DENND1A: variants seen among roughly 807,000 people sequenced by gnomAD.
The protein encoded by DENND1A is DENN domain-containing protein 1A.
Under a neutral mutation model 113.7 loss-of-function variants are expected in DENND1A, and 51 were observed. The ratio of observed to expected loss-of-function variants is 0.45; its 90% confidence interval spans 0.36 to 0.57. The LOEUF (loss-of-function observed/expected upper bound fraction) is 0.57, where lower values mean the gene tolerates loss of function less well. Ranked by LOEUF, DENND1A falls within the 20% of genes least tolerant of loss-of-function variation. The pLI, the probability that DENND1A is intolerant of heterozygous loss-of-function variation, is 0.00. For synonymous variants in DENND1A, 565 were observed against 570.8 expected, an observed-to-expected ratio of 0.99 and a Z score of 0.14; for missense variants, 1,258 against 1,395.9, an observed-to-expected ratio of 0.90 and a Z score of 1.57.
chr9:123,508,386 A>C (rs1324637238), intron 13 of DENND1A, among the ~76,000 whole-genome samples: 1 of 152,204 alleles, frequency 6.6e-6, no homozygotes, highest in East Asian at 1.9e-4. Context: ...TTCTAAGACG[A>C]CACCCATGAA....
At chr9:123,488,080 G>C (rs1009423814) in intron 13 of DENND1A, among the ~76,000 whole-genome samples, 1 of 152,230 alleles carries the variant, frequency 6.6e-6, no homozygotes. Context: ...TCTGCCACTA[G>C]ATGGGATCTC....
intron 13 of DENND1A, among the ~76,000 whole-genome samples, chr9:123,468,615 T>C (rs1221282886): frequency 6.6e-6 from 1 of 152,236 alleles, no homozygotes; most frequent in African/African-American, 2.4e-5. Context: ...AACGCTGTGC[T>C]GGTCTGACGG....
intron 13 of DENND1A, among the ~76,000 whole-genome samples, chr9:123,485,848 G>A (rs970746555): frequency 2.0e-5 from 3 of 150,182 alleles, no homozygotes; most frequent in African/African-American, 2.5e-5. Flanking sequence ...CTCCACATGC[G>A]GAGGCTAAAC....
chr9:123,497,813 C>CAAA lies in DENND1A; in HGVS notation c.994-39919_994-39917dup, dbSNP rs755257150. On this transcript the variant is annotated intron_variant, in intron 13 of 23. Transcript: ENST00000394215. ...TCCACAGTCCAATCTCTCTTCCATC[C>CAAA]AAAAAAAAAAAAAAAAAAGAAAAAA... 5.3e-3 allele frequency among the ~76,000 whole-genome samples: 539 copies of CAAA among 101,736 alleles called. 5 individuals carry two copies. The highest frequency in any genetic ancestry group is 0.014 in the African/African-American group (383 of 26,828). 66.7% of individuals were successfully genotyped at this position (101,736 alleles called of 152,430 possible).
At chr9:123,742,810 T>C (rs2069136835) in intron 5 of DENND1A, among the ~76,000 whole-genome samples, 1 of 152,206 alleles carries the variant, frequency 6.6e-6, no homozygotes, top group Admixed American at 6.5e-5. Flanking sequence ...ACAGGTCAAC[T>C]AGGTGAGTAG....
chr9:123,880,871 AT>A (rs560794407), intron 1 of DENND1A, among the ~76,000 whole-genome samples: 49 of 152,260 alleles, frequency 3.2e-4, no homozygotes, highest in Admixed American at 1.6e-3. Context: ...AAGAGCCGGC[AT>A]TTTTTCCTAG....
chr9:123,924,527 T>G (rs887496300), intron 1 of DENND1A, among the ~76,000 whole-genome samples: 1 of 151,936 alleles, frequency 6.6e-6, no homozygotes, highest in Non-Finnish European at 1.5e-5. Flanking sequence ...GGCGGGCACC[T>G]GCAGTCCCAG....
At chr9:123,577,065 TTC>T (rs2058674266) in intron 12 of DENND1A, among the ~76,000 whole-genome samples, 2 of 152,208 alleles carry the variant, frequency 1.3e-5, no homozygotes, top group African/African-American at 2.4e-5. Flanking sequence ...AAAATATTTT[TTC>T]TGTCTTTCCT....
chr9:123,720,327 A>C (rs2067249944), intron 5 of DENND1A, among the ~76,000 whole-genome samples: 1 of 152,182 alleles, frequency 6.6e-6, no homozygotes. Context: ...CTCCGAGGGA[A>C]AATGCTCTTA....
At chr9:123,914,413 C>T (rs534861778) in intron 1 of DENND1A, among the ~76,000 whole-genome samples, 14 of 151,408 alleles carry the variant, frequency 9.2e-5, no homozygotes, top group Non-Finnish European at 1.6e-4. Flanking sequence ...TGGTGGCGAG[C>T]GCCTGTATGT....
Position 123,398,958 on chromosome 9 carries a change from C to T in DENND1A, c.1631+4444G>A, listed in dbSNP as rs190590275. Among the ~76,000 whole-genome samples, 4 of 151,372 alleles carry T rather than the reference C, an allele frequency of 2.6e-5. No individual in the cohort carries two copies. The East Asian group carries it at 7.9e-4, about 30-fold the overall frequency. ...TACAAGCATGTATCACCACACCCAG[C>T]TAATTTTTTGTGTTTTTAGTAGAGA... On this transcript the variant is annotated intron_variant, in intron 21 of 23. Transcript: ENST00000394215.
chr9:123,750,118 C>A lies in DENND1A; in HGVS notation c.302+7585G>T, dbSNP rs1387872249. On this transcript the variant is annotated intron_variant, in intron 5 of 23. Coordinates refer to ENST00000394215, the MANE Select transcript of DENND1A (RefSeq NM_001352964.2). ...CCCCATGGCCACTGCAGAAGACACA[C>A]CTGTCCTTCCAACTGCGCAGCTTCC... Among the ~76,000 whole-genome samples the A allele has an allele frequency of 2.0e-5, 3 of 152,174 alleles. No homozygotes were observed. In the East Asian group the frequency reaches 5.8e-4, roughly 29 times the overall value.
At chr9:123,499,471 C>T (rs777572312) in intron 13 of DENND1A, among the ~76,000 whole-genome samples, 1 of 152,164 alleles carries the variant, frequency 6.6e-6, no homozygotes, top group Non-Finnish European at 1.5e-5. Context: ...GCTTACTTTT[C>T]CCCCAGCCCT....
intron 12 of DENND1A, among the ~76,000 whole-genome samples, chr9:123,574,241 T>G (rs972255470): frequency 6.7e-6 from 1 of 148,798 alleles, no homozygotes; most frequent in African/African-American, 2.5e-5. Flanking sequence ...GCTGACCTCA[T>G]AAAATAAGAT....
intron 2 of DENND1A, among the ~76,000 whole-genome samples, chr9:123,814,666 A>G (rs1837169808): frequency 6.6e-6 from 1 of 152,122 alleles, no homozygotes; most frequent in South Asian, 2.1e-4. Flanking sequence ...TGACTCAAAG[A>G]GACCTTGGAA....
chr9:123,897,269 C>T (rs1236109247), intron 1 of DENND1A, among the ~76,000 whole-genome samples: 2 of 152,194 alleles, frequency 1.3e-5, no homozygotes, highest in East Asian at 3.8e-4. Context: ...TGAGTTTGTT[C>T]CTCCATTATC....
At chr9:123,825,660 A>T (rs1466237240) in intron 2 of DENND1A, among the ~76,000 whole-genome samples, 1 of 152,264 alleles carries the variant, frequency 6.6e-6, no homozygotes, top group East Asian at 1.9e-4. Flanking sequence ...GAAAATGCAT[A>T]TCTTAAAAGC....
chr9:123,814,137 C>T (rs763990393), intron 2 of DENND1A, among the ~76,000 whole-genome samples: 17 of 152,186 alleles, frequency 1.1e-4, no homozygotes, highest in South Asian at 4.1e-4. Context: ...TGAAAAAGAA[C>T]ACCATTTTAA....
intron 2 of DENND1A, among the ~76,000 whole-genome samples, chr9:123,805,119 C>A (rs1391432640): frequency 6.6e-6 from 1 of 152,142 alleles, no homozygotes; most frequent in Non-Finnish European, 1.5e-5. Flanking sequence ...CATGTGCTAT[C>A]AGATTTTATT....
Sources: allele counts gnomAD v4.1 joint callset (sites outside exome capture counted in the v4.1 genomes callset), GRCh38; gene constraint gnomAD v4.1.1; transcripts MANE v1.5; gene names NCBI Gene and HGNC (gene_info 2026-07-23, HGNC 2026-07-21).